Variants in SDCCAG8 observed in about 807,000 individuals in gnomAD.
The protein encoded by SDCCAG8 is SHH signaling and ciliogenesis regulator SDCCAG8, also known as serologically defined colon cancer antigen 8.
A neutral mutation model predicts 101.8 loss-of-function variants in SDCCAG8; 74 were observed. That is an observed-to-expected ratio of 0.73 (90% CI 0.60 to 0.88). The LOEUF (loss-of-function observed/expected upper bound fraction) is 0.88. Ranked by LOEUF, SDCCAG8 falls within the 40% of genes least tolerant of loss-of-function variation. The probability of loss-of-function intolerance (pLI) is 0.00; values close to 1 mark genes in which losing one functional copy is unlikely to be tolerated. For synonymous variants in SDCCAG8, 281 were observed against 292.9 expected (o/e 0.96, Z 0.41); for missense variants, 787 against 822.6 (o/e 0.96, Z 0.53).
chr1:243,270,119 A>G lies in SDCCAG8; in HGVS notation c.82A>G (p.Ser28Gly). 1 of 1,614,218 alleles carries G rather than the reference A, an allele frequency of 6.2e-7. No individual in the cohort carries two copies. Among genetic ancestry groups the G allele is most frequent in the African/African-American group, 1.3e-5 (1 of 75,062 alleles). Residue 28 changes from serine (S) to glycine (G), a missense_variant, in exon 2 of 18, where the codon AGC (serine) becomes GGC (glycine). Transcript: ENST00000366541. ...TGTTCTTGCAGAACATGCCAGCAGA[A>G]GCATTCACCAACTGACATGTGCCCT... ...QRSLREHASR[S>G]IHQLTCALKE... is the part of the protein sequence containing the mutation.
chr1:243,387,555 A>G (rs1406981854), intron 13 of SDCCAG8, among the ~76,000 whole-genome samples: 2 of 152,188 alleles, frequency 1.3e-5, no homozygotes, highest in East Asian at 1.9e-4. Context: ...GAGAGACAGC[A>G]ACTTGACCTA....
At chr1:243,303,581 C>A (rs1264219644) in intron 6 of SDCCAG8, among the ~76,000 whole-genome samples, 1 of 152,080 alleles carries the variant, frequency 6.6e-6, no homozygotes, top group Non-Finnish European at 1.5e-5. Context: ...GGACCCGCTT[C>A]CATTTAATGA....
chr1:243,283,351 C>T (rs1001491127), intron 4 of SDCCAG8, among the ~76,000 whole-genome samples: 1 of 151,070 alleles, frequency 6.6e-6, no homozygotes, highest in African/African-American at 2.4e-5. Context: ...TCATTATTGA[C>T]TGAAATGTTT....
At chr1:243,429,972 CAGGCATGAGCCACCATG>C (rs1558457089) in intron 16 of SDCCAG8, among the ~76,000 whole-genome samples, 1 of 152,024 alleles carries the variant, frequency 6.6e-6, no homozygotes, top group African/African-American at 2.4e-5. Flanking sequence ...TCTGGGATTA[CAGGCATGAGCCACCATG>C]CCTGGCCTAA....
chr1:243,267,651 C>T, intron 1 of SDCCAG8: 1 of 746,378 alleles, frequency 1.3e-6, no homozygotes, highest in African/African-American at 1.7e-5. Context: ...CAATGTAACA[C>T]TTACACACAC....
chr1:243,450,294 A>G (rs534638411), intron 16 of SDCCAG8, among the ~76,000 whole-genome samples: 1 of 152,318 alleles, frequency 6.6e-6, no homozygotes, highest in South Asian at 2.1e-4. Context: ...AATGGTTAGG[A>G]TTAATATAGG....
chr1:243,327,607 A>G (rs936496242), intron 9 of SDCCAG8, among the ~76,000 whole-genome samples: 2 of 151,978 alleles, frequency 1.3e-5, no homozygotes, highest in Non-Finnish European at 2.9e-5. Flanking sequence ...GAAGTCAGTT[A>G]TTATGTCTTT....
chr1:243,482,698 C>T (rs1663991075), intron 16 of SDCCAG8, among the ~76,000 whole-genome samples: 1 of 152,196 alleles, frequency 6.6e-6, no homozygotes, highest in Non-Finnish European at 1.5e-5. Flanking sequence ...CCGGGGAGCA[C>T]AGGGGCTTCC....
intron 16 of SDCCAG8, among the ~76,000 whole-genome samples, chr1:243,449,407 TA>T (rs1307780017): frequency 6.6e-6 from 1 of 152,236 alleles, no homozygotes; most frequent in East Asian, 1.9e-4. Flanking sequence ...GTTTTGTTTT[TA>T]AAAAATCAGC....
chr1:243,397,342 T>C (rs1204524821), intron 13 of SDCCAG8, among the ~76,000 whole-genome samples: 1 of 152,220 alleles, frequency 6.6e-6, no homozygotes, highest in Admixed American at 6.5e-5. Flanking sequence ...CCAGTATAGA[T>C]ATTTGAAAGT....
intron 1 of SDCCAG8, among the ~76,000 whole-genome samples, chr1:243,264,209 C>T (rs1457068627): frequency 6.6e-6 from 1 of 152,198 alleles, no homozygotes. Context: ...AGTGGTGATT[C>T]TTCCTAGACT....
At chr1:243,287,755 G>A (rs1398563922) in intron 5 of SDCCAG8, among the ~76,000 whole-genome samples, 1 of 152,130 alleles carries the variant, frequency 6.6e-6, no homozygotes, top group South Asian at 2.1e-4. Flanking sequence ...TTCCAAACAC[G>A]TGGTCACTTA....
At chr1:243,371,387 G>C (rs567993105) in intron 12 of SDCCAG8, among the ~76,000 whole-genome samples, 1 of 152,164 alleles carries the variant, frequency 6.6e-6, no homozygotes, top group East Asian at 1.9e-4. Context: ...CTTAACATCT[G>C]TGAGCTTCAG....
intron 5 of SDCCAG8, among the ~76,000 whole-genome samples, chr1:243,291,309 C>T (rs965882973): frequency 1.3e-5 from 2 of 152,194 alleles, no homozygotes; most frequent in African/African-American, 4.8e-5. Flanking sequence ...TTGCAACTAA[C>T]AATGGGTACA....
chr1:243,332,678 C>T (rs535109708), intron 10 of SDCCAG8, among the ~76,000 whole-genome samples: 8 of 151,704 alleles, frequency 5.3e-5, no homozygotes, highest in East Asian at 3.9e-4. Context: ...AGGTGATTAT[C>T]GCAGTCCAGG....
intron 4 of SDCCAG8, among the ~76,000 whole-genome samples, chr1:243,279,838 A>G (rs968015864): frequency 6.6e-6 from 1 of 152,128 alleles, no homozygotes; most frequent in African/African-American, 2.4e-5. Flanking sequence ...ATCTATGTTC[A>G]TTAGACATAT....
intron 10 of SDCCAG8, among the ~76,000 whole-genome samples, chr1:243,334,237 C>A (rs1288429509): frequency 1.3e-5 from 2 of 152,134 alleles, no homozygotes; most frequent in African/African-American, 4.8e-5. Context: ...TCCAGTCTCA[C>A]CTCCTTCCTA....
Position 243,361,118 on chromosome 1 carries a change from T to C in SDCCAG8, c.1473+16787T>C, listed in dbSNP as rs375224975. Among the ~76,000 whole-genome samples, 47 of 152,326 alleles carry C rather than the reference T, an allele frequency of 3.1e-4. 1 individual carries two copies. Among genetic ancestry groups the C allele is most frequent in the African/African-American group, 1.1e-3 (45 of 41,584 alleles). On this transcript the variant is annotated intron_variant, in intron 12 of 17. Coordinates refer to ENST00000366541, the MANE Select transcript of SDCCAG8 (RefSeq NM_006642.5). The stretch of plus-strand genomic sequence containing the variant: ...TAATAAATTATTCCTCTCAGGTTTA[T>C]GTCACTGGTTAGCAAGGTGCTAACC...
chr1:243,406,587 G>A (rs980589930), intron 13 of SDCCAG8, among the ~76,000 whole-genome samples: 9 of 152,088 alleles, frequency 5.9e-5, no homozygotes, highest in African/African-American at 2.2e-4. Flanking sequence ...TCTAAAGCAC[G>A]AGTGTGATCA....
Sources: allele counts gnomAD v4.1 joint callset (sites outside exome capture counted in the v4.1 genomes callset), GRCh38; gene constraint gnomAD v4.1.1; transcripts MANE v1.5; gene names NCBI Gene and HGNC (gene_info 2026-07-23, HGNC 2026-07-21).